MSH6: variants seen among roughly 807,000 people sequenced by gnomAD.
MSH6 encodes the protein DNA mismatch repair protein Msh6.
A neutral mutation model predicts 119.1 loss-of-function variants in MSH6; 85 were observed. The observed-to-expected ratio is 0.71, with a 90% CI of 0.60 to 0.85. The LOEUF is 0.85. Ranked by LOEUF, MSH6 falls within the 40% of genes least tolerant of loss-of-function variation. The pLI, the probability that MSH6 is intolerant of heterozygous loss-of-function variation, is 0.00. For synonymous variants in MSH6, 830 were observed against 586.9 expected, an observed-to-expected ratio of 1.41 and a Z score of -5.99; for missense variants, 2,163 against 1,655.3, an observed-to-expected ratio of 1.31 and a Z score of -5.32.
chr2:47,804,076 T>C (rs1040591898), intron 5 of MSH6, among the ~76,000 whole-genome samples: 5 of 152,148 alleles, frequency 3.3e-5, no homozygotes, highest in African/African-American at 9.7e-5. Flanking sequence ...AAAGCAAATA[T>C]AGTTCATGAC....
Position 47,806,350 on chromosome 2 carries a change from G to A in MSH6, c.3793G>A (p.Gly1265Arg), listed in dbSNP as rs754469538. The A allele has an allele frequency of 6.2e-7, 1 of 1,614,072 alleles. No individual in the cohort carries two copies. The highest frequency in any genetic ancestry group is 8.5e-7 in the Non-Finnish European group (1 of 1,179,994). Residue 1265 changes from glycine to arginine, a missense_variant, in exon 8 of 10, where the codon GGA (glycine) becomes AGA (arginine). Coordinates refer to ENST00000234420, the MANE Select transcript of MSH6 (RefSeq NM_000179.3). ...DYSQNVAVRL[G>R]HMACMVENEC... ...TTCTCAAAATGTTGCTGTGCGCCTA[G>A]GACATATGGTATGTGCAAATTGTTT...
At chr2:47,803,267 A>G (rs1286340783) in intron 4 of MSH6, among the ~76,000 whole-genome samples, 153 bp from the exon 5 acceptor site, 1 of 152,158 alleles carries the variant, frequency 6.6e-6, no homozygotes, top group Non-Finnish European at 1.5e-5. Flanking sequence ...TCCAGATGTT[A>G]GAGGGTAAGT....
rs56238300 is a variant in MSH6 at position 47,806,835 on chromosome 2, T to G, written c.4058T>G (p.Leu1353Trp). 6.2e-7 allele frequency: 1 copy of G among 1,612,584 alleles called. No individual in the cohort carries two copies. The highest frequency in any genetic ancestry group is 8.5e-7 in the Non-Finnish European group (1 of 1,179,208). ...STVDAEAVHK[L>W]LTLIKEL is the part of the protein sequence containing the mutation. The stretch of plus-strand genomic sequence containing the variant: ...GTAGATGCTGAAGCTGTCCATAAAT[T>G]GCTGACTTTGATTAAGGAATTATAG... Residue 1353 changes from leucine to tryptophan, a missense_variant, in exon 10 of 10, where the codon TTG becomes TGG. Transcript: ENST00000234420.
chr2:47,786,761 ATG>A (rs1412940790), intron 1 of MSH6, among the ~76,000 whole-genome samples: 2 of 151,790 alleles, frequency 1.3e-5, no homozygotes, highest in Non-Finnish European at 2.9e-5. Flanking sequence ...TGTGATATAA[ATG>A]TCTTCTTTCA....
At chr2:47,787,778 C>A (rs1205994867) in intron 1 of MSH6, among the ~76,000 whole-genome samples, 1 of 152,092 alleles carries the variant, frequency 6.6e-6, no homozygotes, top group Non-Finnish European at 1.5e-5. Context: ...CACCCCATGC[C>A]TGGCTAATTT....
At chr2:47,803,885 T>C (rs1483427169) in intron 5 of MSH6, among the ~76,000 whole-genome samples, 200 bp downstream of exon 5, 1 of 152,180 alleles carries the variant, frequency 6.6e-6, no homozygotes, top group Non-Finnish European at 1.5e-5. Context: ...AAGGGGAATA[T>C]ATGTTAAAAA....
chr2:47,805,965 T>TAATA (rs1402745666), intron 7 of MSH6, among the ~76,000 whole-genome samples: 3 of 152,186 alleles, frequency 2.0e-5, no homozygotes, highest in African/African-American at 7.2e-5. Context: ...ATGAGAACAC[T>TAATA]AATAGGAGGA....
intron 3 of MSH6, among the ~76,000 whole-genome samples, 193 bp from the exon 4 acceptor site, chr2:47,798,418 T>G (rs1244382241): frequency 6.6e-6 from 1 of 152,196 alleles, no homozygotes; most frequent in Non-Finnish European, 1.5e-5. Context: ...TTGGGCAAGA[T>G]CATCTAACAC....
chr2:47,801,360 A>ATTTTTTTT (rs1220786181), intron 4 of MSH6: 34 of 58,340 alleles, frequency 5.8e-4, no homozygotes, highest in South Asian at 1.1e-3. Context: ...GCCTTTCTTC[A>ATTTTTTTT]GTTTTTTTTT....
chr2:47,806,277 A>G lies in MSH6; in HGVS notation c.3720A>G (p.Lys1240=), dbSNP rs786203260. 6.2e-7 allele frequency: 1 copy of G among 1,614,124 alleles called. No homozygotes were observed. The highest frequency in any genetic ancestry group is 8.5e-7 in the Non-Finnish European group (1 of 1,179,960). Residue 1240 remains lysine, a synonymous_variant, in exon 8 of 10, where the codon AAA becomes AAG. Coordinates refer to ENST00000234420, the MANE Select transcript of MSH6 (RefSeq NM_000179.3). The part of the protein sequence containing the change: ...AVVKELAETI[K]CRTLFSTHYH... ...TTAAAGAACTTGCTGAGACTATAAA[A>G]TGTCGTACATTATTTTCAACTCACT...
intron 1 of MSH6, among the ~76,000 whole-genome samples, chr2:47,788,922 G>GGTTTTTTTTTTTTTT (rs1668540812): frequency 2.4e-5 from 1 of 40,932 alleles, no homozygotes; most frequent in Non-Finnish European, 4.2e-5. Flanking sequence ...TTTTTTTTTT[G>GGTTTTTTTTTTTTTT]TTTTTTTTTT....
chr2:47,798,870 T>G lies in MSH6; in HGVS notation c.887T>G (p.Val296Gly), dbSNP rs1572720726. The change falls in exon 4 of 10, where the codon GTT becomes GGT. Residue 296 changes from valine (V) to glycine (G), a missense_variant. Physicochemically the swap from Val to Gly is moderately radical, Grantham distance 109. Coordinates refer to ENST00000234420, the MANE Select transcript of MSH6 (RefSeq NM_000179.3). ...ESEGLNSPVK[V>G]ARKRKRMVTG... is the part of the protein sequence containing the mutation. ...GAAGGCCTGAACAGCCCTGTCAAAG[T>G]TGCTCGAAAGCGGAAGAGAATGGTG... 6.2e-7 allele frequency: 1 copy of G among 1,614,180 alleles called. No individual in the cohort carries two copies. The highest frequency in any genetic ancestry group is 8.5e-7 in the Non-Finnish European group (1 of 1,180,024).
chr2:47,788,866 C>T (rs1668517702), intron 1 of MSH6, among the ~76,000 whole-genome samples: 1 of 145,110 alleles, frequency 6.9e-6, no homozygotes, highest in South Asian at 2.2e-4. Flanking sequence ...GCCACTGCGC[C>T]CGGCCCAGCA....
intron 4 of MSH6, among the ~76,000 whole-genome samples, chr2:47,801,993 A>G (rs1239770622): frequency 6.6e-6 from 1 of 152,130 alleles, no homozygotes; most frequent in African/African-American, 2.4e-5. Context: ...TTTATTTTAG[A>G]TCGAATTTTA....
chr2:47,796,568 CT>C (rs879612700), intron 3 of MSH6, among the ~76,000 whole-genome samples: 5 of 152,142 alleles, frequency 3.3e-5, no homozygotes, highest in Non-Finnish European at 7.4e-5. Context: ...AATTCTAAAA[CT>C]TTTTTTGTTG....
Position 47,798,477 on chromosome 2 carries a change from ATACTG to A in MSH6, c.628-129_628-125del, listed in dbSNP as rs1669229179. On this transcript the variant is annotated intron_variant, in intron 3 of 9. Transcript: ENST00000234420. ...TTGCCTATCTCATGTAATTCATCGA[ATACTG>A]TACTAAAAATGAAAAACAGTGGCTG... 9.2e-6 allele frequency: 8 copies of A among 871,892 alleles called. No individual in the cohort carries two copies. In the East Asian group the frequency reaches 1.8e-4, roughly 20 times the overall value. The allele number at this position is 871,892 out of a possible 1,614,324, so 54.0% of individuals were successfully genotyped here.
chr2:47,805,736 C>CT, intron 7 of MSH6, 29 bp downstream of exon 7: 1 of 145,896 alleles, frequency 6.9e-6, no homozygotes, highest in Non-Finnish European at 9.3e-6. Flanking sequence ...CATTTGAAGA[C>CT]TATCTATCTT....
chr2:47,809,677 G>A, downstream of MSH6: 1 of 1,613,450 alleles, frequency 6.2e-7, no homozygotes, highest in Non-Finnish European at 8.5e-7. Flanking sequence ...GCCTTCTAGT[G>A]TTGCAGTTGC....
At chr2:47,807,580 C>G (rs906822433), downstream of MSH6, 1 of 216,074 alleles carries the variant, frequency 4.6e-6, no homozygotes, top group African/African-American at 2.3e-5. Context: ...AGGGCACATT[C>G]AAGTACAGTA....
Sources: allele counts gnomAD v4.1 joint callset (sites outside exome capture counted in the v4.1 genomes callset), GRCh38; gene constraint gnomAD v4.1.1; transcripts MANE v1.5; gene names NCBI Gene and HGNC (gene_info 2026-07-23, HGNC 2026-07-21).